PRKN: variants seen among roughly 807,000 people sequenced by gnomAD.
PRKN encodes the protein parkin RBR E3 ubiquitin protein ligase.
A neutral mutation model predicts 59.5 loss-of-function variants in PRKN; 56 were observed. That is an observed-to-expected ratio of 0.94 (90% CI 0.76 to 1.18). The LOEUF (loss-of-function observed/expected upper bound fraction) is 1.18, where lower values mean the gene tolerates loss of function less well. PRKN is among the 50% of genes most tolerant of loss of function. The pLI, the probability that PRKN is intolerant of heterozygous loss-of-function variation, is 0.00. For missense variants in PRKN, 657 were observed against 596.4 expected (o/e 1.10, Z -1.06); for synonymous variants, 250 against 222.1 (o/e 1.13, Z -1.12).
intron 1 of PRKN, among the ~76,000 whole-genome samples, chr6:162,579,423 C>T (rs1780692838): frequency 6.6e-6 from 1 of 152,094 alleles, no homozygotes; most frequent in South Asian, 2.1e-4. Flanking sequence ...CATGCACACA[C>T]ACACACACAC....
At chr6:162,290,149 C>A (rs112144804) in intron 2 of PRKN, among the ~76,000 whole-genome samples, 5 of 152,250 alleles carry the variant, frequency 3.3e-5, no homozygotes, top group African/African-American at 1.2e-4. Context: ...GTCCACAGAC[C>A]GACCATTGTC....
At chr6:161,779,593 T>C (rs11758231) in intron 7 of PRKN, among the ~76,000 whole-genome samples, 62,619 of 150,914 alleles carry the variant, frequency 0.41, 13,705 homozygotes, top group African/African-American at 0.55. Flanking sequence ...TATAGGCATG[T>C]GCCACCACAC....
chr6:161,848,831 T>C (rs1793306217), intron 6 of PRKN, among the ~76,000 whole-genome samples: 1 of 152,200 alleles, frequency 6.6e-6, no homozygotes, highest in Non-Finnish European at 1.5e-5. Context: ...GAAATGGGAA[T>C]TGAAAACTAA....
At chr6:162,349,744 A>G (rs1025650276) in intron 2 of PRKN, among the ~76,000 whole-genome samples, 1 of 152,192 alleles carries the variant, frequency 6.6e-6, no homozygotes, top group African/African-American at 2.4e-5. Context: ...CTAACTTTAT[A>G]GTTGACGGTA....
chr6:162,172,039 T>A (rs1214365197), intron 4 of PRKN, among the ~76,000 whole-genome samples: 1 of 152,206 alleles, frequency 6.6e-6, no homozygotes, highest in East Asian at 1.9e-4. Flanking sequence ...CCTCATTAAG[T>A]GGGTCCTGTT....
intron 2 of PRKN, among the ~76,000 whole-genome samples, chr6:162,283,443 G>A (rs1456532945): frequency 2.0e-5 from 3 of 152,094 alleles, no homozygotes; most frequent in African/African-American, 4.8e-5. Flanking sequence ...AGTAAATCTG[G>A]TGCCTTCTGA....
rs187233677 is a variant in PRKN, at chr6:162,703,289, G to A, written c.7+24373C>T. 5.4e-3 allele frequency among the ~76,000 whole-genome samples: 825 copies of A among 152,214 alleles called. 6 individuals carry two copies. Among genetic ancestry groups the A allele is most frequent in the Middle Eastern group, 0.014 (4 of 294 alleles). ...CAATGACGTAAATCTCCATTTTAAC[G>A]AAAACTTTTAATACATGTAAAATAT... On this transcript the variant is annotated intron_variant, in intron 1 of 11. Transcript: ENST00000366898.
intron 7 of PRKN, among the ~76,000 whole-genome samples, chr6:161,623,465 A>G (rs1782980143): frequency 6.6e-6 from 1 of 152,268 alleles, no homozygotes; most frequent in African/African-American, 2.4e-5. Flanking sequence ...CTTTTTAAAC[A>G]GTATAAATAT....
Position 162,250,353 on chromosome 6 carries a change from G to C in PRKN, c.412+12172C>G, listed in dbSNP as rs775701801. Among the ~76,000 whole-genome samples the C allele has an allele frequency of 1.3e-5, 2 of 152,198 alleles. 1 individual carries two copies. Among genetic ancestry groups the C allele is most frequent in the South Asian group, 4.2e-4 (2 of 4,816 alleles). On this transcript the variant is annotated intron_variant, in intron 3 of 11. Coordinates refer to ENST00000366898, the MANE Select transcript of PRKN (RefSeq NM_004562.3). ...ACCTTGTACATTTTTGTTTGGTAAA[G>C]ATTTCCATCCAGTGTAACAGATAAC...
intron 4 of PRKN, among the ~76,000 whole-genome samples, chr6:162,155,804 A>T (rs1312881873): frequency 2.0e-5 from 3 of 149,158 alleles, no homozygotes; most frequent in African/African-American, 7.4e-5. Context: ...CAGTTAAGAA[A>T]AAAAAAAAAA....
Position 161,352,726 on chromosome 6 carries a change from AGTGTGT to A in PRKN, c.1286-2521_1286-2516del, listed in dbSNP as rs373703677. On this transcript the variant is annotated intron_variant, in intron 11 of 11. Coordinates refer to ENST00000366898, the MANE Select transcript of PRKN (RefSeq NM_004562.3). This position sits in a 1 kb window ranked among gnomAD's most constrained non-coding sequence, Gnocchi z 5.8. Reference sequence around the variant, plus strand: ...TATATAAACACAAATATGTATGAAGAGTGTGTGTGTGTGTGTGTGTGTGTGTGTGTA... The same window carrying A: ...TATATAAACACAAATATGTATGAAGAGTGTGTGTGTGTGTGTGTGTGTGTA... 2.6e-4 allele frequency among the ~76,000 whole-genome samples: 33 copies of A among 128,514 alleles called. No homozygotes were observed. Among genetic ancestry groups the A allele is most frequent in the Non-Finnish European group, 3.6e-4 (22 of 61,062 alleles). The allele number at this position is 128,514 out of a possible 152,430, so 84.3% of individuals were successfully genotyped here. A position where few individuals can be genotyped will look rare whatever the true frequency, so the allele number is the denominator to read the frequency against.
chr6:161,836,851 T>C (rs116664371), intron 6 of PRKN, among the ~76,000 whole-genome samples: 2,902 of 152,190 alleles, frequency 0.019, 107 homozygotes, highest in African/African-American at 0.066. Context: ...GCACAAGCCG[T>C]AAAATGACGG....
chr6:161,587,641 TAA>T (rs900904943), intron 7 of PRKN, among the ~76,000 whole-genome samples: 1 of 150,984 alleles, frequency 6.6e-6, no homozygotes, highest in African/African-American at 2.4e-5. Context: ...GCTTTTTTTT[TAA>T]AAAAAAACTT....
chr6:162,525,106 A>G (rs1199798884), intron 1 of PRKN, among the ~76,000 whole-genome samples: 2 of 152,122 alleles, frequency 1.3e-5, no homozygotes, highest in Non-Finnish European at 2.9e-5. Flanking sequence ...CCTGAGTGGG[A>G]GGCCCCAGCC....
intron 1 of PRKN, among the ~76,000 whole-genome samples, chr6:162,707,881 A>G (rs1487974207): frequency 6.6e-6 from 1 of 151,836 alleles, no homozygotes; most frequent in Non-Finnish European, 1.5e-5. Context: ...TACCTGGCTA[A>G]TATTTGTATT....
At chr6:161,555,799 T>TA (rs1780215356) in intron 8 of PRKN, among the ~76,000 whole-genome samples, 3 of 152,178 alleles carry the variant, frequency 2.0e-5, no homozygotes, top group African/African-American at 7.2e-5. Context: ...CAATAGTTTG[T>TA]GGACAGTAAA....
At chr6:162,615,081 T>C (rs1225749552) in intron 1 of PRKN, among the ~76,000 whole-genome samples, 1 of 152,174 alleles carries the variant, frequency 6.6e-6, no homozygotes. Context: ...AATAAAAATG[T>C]GCTTATTGCA....
At chr6:161,621,675 C>G (rs2128150926) in intron 7 of PRKN, among the ~76,000 whole-genome samples, 1 of 152,284 alleles carries the variant, frequency 6.6e-6, no homozygotes, top group Non-Finnish European at 1.5e-5. Flanking sequence ...TACCAGCTCT[C>G]TAGCTATTCC....
At chr6:162,554,583 C>T (rs1413627713) in intron 1 of PRKN, among the ~76,000 whole-genome samples, 1 of 149,010 alleles carries the variant, frequency 6.7e-6, no homozygotes, top group Non-Finnish European at 1.5e-5. Context: ...TAAACATCCT[C>T]AGTGAGGTGG....
Sources: gnomAD v4.1 joint callset for allele counts (sites outside exome capture counted in the v4.1 genomes callset) on GRCh38, gnomAD v4.1.1 for gene constraint, Gnocchi (gnomAD v3.1) non-coding constraint, MANE v1.5 for transcripts, NCBI Gene and HGNC (gene_info 2026-07-23, HGNC 2026-07-21) for gene names.